CAMTA1: variants seen among roughly 807,000 people sequenced by gnomAD.
The protein encoded by CAMTA1 is calmodulin-binding transcription activator 1.
A neutral mutation model predicts 170.9 loss-of-function variants in CAMTA1; 27 were observed. The ratio of observed to expected loss-of-function variants is 0.16; its 90% CI spans 0.12 to 0.22. CAMTA1 has a LOEUF of 0.22. Among genes scored for constraint, CAMTA1 ranks in the 10% least tolerant of loss-of-function variants. The pLI is 1.00. For synonymous variants in CAMTA1, 833 were observed against 891.5 expected, an observed-to-expected ratio of 0.93 and a Z score of 1.17; for missense variants, 1,619 against 2,217.2, an observed-to-expected ratio of 0.73 and a Z score of 5.42.
chr1:7,629,448 G>A (rs926329122), intron 6 of CAMTA1, among the ~76,000 whole-genome samples: 2 of 151,862 alleles, frequency 1.3e-5, no homozygotes, highest in Admixed American at 6.5e-5. Flanking sequence ...TTCAGCCCAT[G>A]TCGCCTTGCA....
intron 6 of CAMTA1, among the ~76,000 whole-genome samples, chr1:7,574,909 T>A (rs2095172213): frequency 6.6e-6 from 1 of 152,132 alleles, no homozygotes; most frequent in Non-Finnish European, 1.5e-5. Context: ...CCCAGCCCAG[T>A]CCCAGAGCTC....
chr1:7,308,668 ATTAAT>A (rs1675978514), intron 5 of CAMTA1, among the ~76,000 whole-genome samples: 1 of 152,212 alleles, frequency 6.6e-6, no homozygotes, highest in Non-Finnish European at 1.5e-5. Context: ...TGATTTCTAA[ATTAAT>A]TTAATCATCA....
intron 11 of CAMTA1, among the ~76,000 whole-genome samples, chr1:7,684,044 T>A (rs1432466942): frequency 6.6e-6 from 1 of 152,122 alleles, no homozygotes; most frequent in Non-Finnish European, 1.5e-5. Flanking sequence ...GTGGAGCTCC[T>A]CTGTGTAGCA....
At chr1:7,186,235 T>A (rs1653241541) in intron 4 of CAMTA1, among the ~76,000 whole-genome samples, 1 of 152,180 alleles carries the variant, frequency 6.6e-6, no homozygotes, top group African/African-American at 2.4e-5. Context: ...TTGGGGAATC[T>A]GGGTGAAGGA....
intron 5 of CAMTA1, among the ~76,000 whole-genome samples, chr1:7,421,313 C>T (rs369129124): frequency 2.6e-5 from 4 of 152,202 alleles, no homozygotes; most frequent in East Asian, 3.9e-4. Context: ...CCACCACACC[C>T]AGCTAATTTT....
intron 4 of CAMTA1, among the ~76,000 whole-genome samples, chr1:7,185,685 G>A (rs1419697527): frequency 6.6e-6 from 1 of 152,168 alleles, no homozygotes; most frequent in Non-Finnish European, 1.5e-5. Context: ...ACACACAGCT[G>A]TGGCTCTGGT....
At chr1:7,259,083 G>A (rs1667816809) in intron 5 of CAMTA1, among the ~76,000 whole-genome samples, 1 of 152,166 alleles carries the variant, frequency 6.6e-6, no homozygotes, top group African/African-American at 2.4e-5. Flanking sequence ...CTCTGGTGAG[G>A]CTGCTTTGAT....
chr1:7,086,382 T>G (rs952321648), intron 3 of CAMTA1, among the ~76,000 whole-genome samples: 8 of 152,148 alleles, frequency 5.3e-5, no homozygotes, highest in African/African-American at 1.9e-4. Flanking sequence ...TCCTTCCCCC[T>G]AATGCCACAT....
At chr1:7,407,266 G>T (rs916050947) in intron 5 of CAMTA1, among the ~76,000 whole-genome samples, 11 of 152,348 alleles carry the variant, frequency 7.2e-5, no homozygotes, top group Non-Finnish European at 1.5e-4. Context: ...ATGGCTGCTG[G>T]GGTAGTAACT....
At chr1:7,398,187 CTCTCTCTATATATATA>C (rs1316330348) in intron 5 of CAMTA1, among the ~76,000 whole-genome samples, 28 of 38,212 alleles carry the variant, frequency 7.3e-4, no homozygotes, top group African/African-American at 2.2e-3. Flanking sequence ...CTCTCTCTCT[CTCTCTCTATATATATA>C]TATATATATA....
At chr1:6,830,258 G>T (rs964396956) in intron 3 of CAMTA1, among the ~76,000 whole-genome samples, 1 of 151,066 alleles carries the variant, frequency 6.6e-6, no homozygotes, top group Non-Finnish European at 1.5e-5. Context: ...GGATGGTCTT[G>T]ATCTCCTGAT....
intron 5 of CAMTA1, among the ~76,000 whole-genome samples, chr1:7,269,738 A>T (rs1207118576): frequency 6.6e-6 from 1 of 152,206 alleles, no homozygotes; most frequent in African/African-American, 2.4e-5. Flanking sequence ...AGAGAGCAAC[A>T]TCAAATGATC....
Position 7,093,431 on chromosome 1 carries a change from G to A in CAMTA1, c.302+2060G>A, listed in dbSNP as rs1419882742. ...CAAGCAGCCGCCAGCCTCTCCTTGC[G>A]CCCTTCACTCTCCGCTGAAACACTC... On this transcript the variant is annotated intron_variant, in intron 4 of 22. Transcript: ENST00000303635. This position sits in a 1 kb window ranked among gnomAD's most constrained non-coding sequence, Gnocchi z 4.6. Among the ~76,000 whole-genome samples, 4 of 152,046 alleles carry A rather than the reference G, an allele frequency of 2.6e-5. No homozygotes were observed. The highest frequency in any genetic ancestry group is 6.5e-5 in the Admixed American group (1 of 15,268).
chr1:7,601,728 T>C (rs2095445008), intron 6 of CAMTA1, among the ~76,000 whole-genome samples: 1 of 152,196 alleles, frequency 6.6e-6, no homozygotes, highest in Non-Finnish European at 1.5e-5. Context: ...CCCTCGCGGT[T>C]AGGAGCTGGA....
At chr1:7,227,834 C>G (rs1661995219) in intron 4 of CAMTA1, among the ~76,000 whole-genome samples, 1 of 149,886 alleles carries the variant, frequency 6.7e-6, no homozygotes, top group South Asian at 2.1e-4. Flanking sequence ...TTCTTCTAGC[C>G]CCTCCCCTCC....
chr1:7,271,734 A>C (rs1669845895), intron 5 of CAMTA1, among the ~76,000 whole-genome samples: 1 of 152,182 alleles, frequency 6.6e-6, no homozygotes, highest in South Asian at 2.1e-4. Context: ...ATAGATGGAT[A>C]GACAGACAAA....
chr1:6,839,257 C>G (rs1488642596), intron 3 of CAMTA1, among the ~76,000 whole-genome samples: 2 of 151,980 alleles, frequency 1.3e-5, no homozygotes, highest in Non-Finnish European at 1.5e-5. Context: ...TGGCATGTGC[C>G]TGTAATCCCA....
intron 3 of CAMTA1, among the ~76,000 whole-genome samples, chr1:6,957,769 ATAT>A: frequency 6.6e-6 from 1 of 151,756 alleles, no homozygotes; most frequent in East Asian, 1.9e-4. Flanking sequence ...GTAACGTAGT[ATAT>A]TCACAGGTTT....
Position 7,075,825 on chromosome 1 carries a change from G to A in CAMTA1, c.235-15479G>A, listed in dbSNP as rs183002866. ...TTACAGGTGTGTGCCACCACGCCCGGCTAATTTTTGTATTTTTAGTAGAGA... is the reference window on the plus strand; with the variant it reads ...TTACAGGTGTGTGCCACCACGCCCGACTAATTTTTGTATTTTTAGTAGAGA... On this transcript the variant is annotated intron_variant, in intron 3 of 22. Transcript: ENST00000303635. 3.0e-3 allele frequency among the ~76,000 whole-genome samples: 451 copies of A among 152,104 alleles called. 4 individuals carry two copies. The highest frequency in any genetic ancestry group is 0.01 in the African/African-American group (433 of 41,488).
Sources: gnomAD v4.1 joint callset for allele counts (sites outside exome capture counted in the v4.1 genomes callset) on GRCh38, gnomAD v4.1.1 for gene constraint, Gnocchi (gnomAD v3.1) non-coding constraint, MANE v1.5 for transcripts, NCBI Gene and HGNC (gene_info 2026-07-23, HGNC 2026-07-21) for gene names.